The following JARID2 variants were observed in gnomAD, a reference collection of about 807,000 sequenced individuals.
The protein encoded by JARID2 is jumonji and AT-rich interaction domain containing 2, also known as protein Jumonji.
A neutral mutation model predicts 125.6 loss-of-function variants in JARID2; 21 were observed. That is an observed-to-expected ratio of 0.17 (90% CI 0.12 to 0.24). The LOEUF (loss-of-function observed/expected upper bound fraction) is 0.24. Among genes scored for constraint, JARID2 ranks in the 10% least tolerant of loss-of-function variants. JARID2 has a pLI of 1.00. For synonymous variants in JARID2, 736 were observed against 661.6 expected, an observed-to-expected ratio of 1.11 and a Z score of -1.73; for missense variants, 1,303 against 1,639.6, an observed-to-expected ratio of 0.79 and a Z score of 3.55.
Position 15,470,909 on chromosome 6 carries a change from A to G in JARID2, c.670+2191A>G, listed in dbSNP as rs569167984. On this transcript the variant is annotated intron_variant, in intron 5 of 17. Coordinates refer to ENST00000341776, the MANE Select transcript of JARID2 (RefSeq NM_004973.4). Reference sequence around the variant, plus strand: ...TTTGGTGACCTGGAAAGACCTGGGCACGAGAAAGAATTCTAATAACAGAAT... The same window carrying G: ...TTTGGTGACCTGGAAAGACCTGGGCGCGAGAAAGAATTCTAATAACAGAAT... Among the ~76,000 whole-genome samples the G allele has an allele frequency of 3.3e-5, 5 of 152,362 alleles. No individual in the cohort carries two copies. In the East Asian group the frequency reaches 9.6e-4, roughly 29 times the overall value.
At chr6:15,281,542 A>T (rs1449495208) in intron 1 of JARID2, among the ~76,000 whole-genome samples, 1 of 152,218 alleles carries the variant, frequency 6.6e-6, no homozygotes, top group African/African-American at 2.4e-5. Context: ...GCATACATGC[A>T]TGTTTATGTA....
Position 15,509,246 on chromosome 6 carries a change from T to G in JARID2, c.2846+792T>G, listed in dbSNP as rs1257608229. The G allele has an allele frequency of 1.0e-5, 12 of 1,205,212 alleles. No individual in the cohort carries two copies. In the Admixed American group the frequency reaches 3.8e-4, roughly 38 times the overall value. The allele number at this position is 1,205,212 out of a possible 1,614,324, so 74.7% of individuals were successfully genotyped here. A position where few individuals can be genotyped will look rare whatever the true frequency, so the allele number is the denominator to read the frequency against. ...TTTACGGCGGCAGATGGGAAATGACTACAAATAATCAGATGTCTTGTCGTC... is the reference window on the plus strand; with the variant it reads ...TTTACGGCGGCAGATGGGAAATGACGACAAATAATCAGATGTCTTGTCGTC... On this transcript the variant is annotated intron_variant, in intron 12 of 17. Transcript: ENST00000341776.
intron 17 of JARID2, among the ~76,000 whole-genome samples, chr6:15,519,187 T>A (rs1771708631): frequency 6.6e-6 from 1 of 152,226 alleles, no homozygotes; most frequent in Admixed American, 6.5e-5. Context: ...CACTTGTCCT[T>A]ATGGTAAGGT....
chr6:15,361,336 G>A (rs1410613630), intron 1 of JARID2, among the ~76,000 whole-genome samples: 1 of 152,152 alleles, frequency 6.6e-6, no homozygotes, highest in Non-Finnish European at 1.5e-5. Flanking sequence ...ACTGCAGTCA[G>A]TGCTCAAAGT....
chr6:15,459,923 C>T (rs1022124236), intron 4 of JARID2, among the ~76,000 whole-genome samples: 1 of 152,182 alleles, frequency 6.6e-6, no homozygotes, highest in African/African-American at 2.4e-5. Flanking sequence ...AATGGGAATA[C>T]TTTACATTAT....
intron 1 of JARID2, among the ~76,000 whole-genome samples, chr6:15,254,236 A>G (rs999172227): frequency 1.3e-5 from 2 of 152,206 alleles, no homozygotes; most frequent in African/African-American, 4.8e-5. Context: ...GTGCTCTTCT[A>G]GTTTTACAAA....
chr6:15,445,688 T>C (rs559523804), intron 3 of JARID2, among the ~76,000 whole-genome samples: 1 of 152,254 alleles, frequency 6.6e-6, no homozygotes, highest in East Asian at 1.9e-4. Flanking sequence ...GGAACAGTTG[T>C]GCTGTGTGAG....
intron 6 of JARID2, among the ~76,000 whole-genome samples, chr6:15,491,911 G>A (rs1181770121): frequency 6.6e-6 from 1 of 152,204 alleles, no homozygotes; most frequent in Admixed American, 6.5e-5. Context: ...AACGTTTGAT[G>A]TCCTGGACTT....
chr6:15,300,434 C>G (rs1476450099), intron 1 of JARID2, among the ~76,000 whole-genome samples: 1 of 152,138 alleles, frequency 6.6e-6, no homozygotes, highest in Non-Finnish European at 1.5e-5. Context: ...GCTTTTGGGC[C>G]TGGAAACCTT....
At chr6:15,322,079 C>T (rs1369390295) in intron 1 of JARID2, among the ~76,000 whole-genome samples, 2 of 152,086 alleles carry the variant, frequency 1.3e-5, no homozygotes, top group African/African-American at 4.8e-5. Context: ...GCTACCGCGC[C>T]CGGCCTGGAA....
intron 1 of JARID2, among the ~76,000 whole-genome samples, chr6:15,349,605 C>T (rs1310101500): frequency 2.6e-5 from 4 of 152,064 alleles, no homozygotes; most frequent in African/African-American, 4.8e-5. Context: ...ACTCATCACG[C>T]GTGAGGAGCT....
chr6:15,512,608 T>TA (rs1052297661), intron 14 of JARID2, among the ~76,000 whole-genome samples: 8 of 152,182 alleles, frequency 5.3e-5, no homozygotes, highest in African/African-American at 1.9e-4. Flanking sequence ...ATCAGACCGT[T>TA]ACTGACAGAC....
At chr6:15,251,278 A>G (rs773194717) in intron 1 of JARID2, among the ~76,000 whole-genome samples, 2 of 152,178 alleles carry the variant, frequency 1.3e-5, no homozygotes, top group African/African-American at 2.4e-5. Context: ...GGCCTCCCAA[A>G]GTGCTGGGAT....
intron 3 of JARID2, among the ~76,000 whole-genome samples, chr6:15,444,152 C>G (rs113309293): frequency 2.0e-5 from 3 of 152,134 alleles, no homozygotes; most frequent in African/African-American, 7.2e-5. Context: ...AGGCATTCTG[C>G]GTAGGATAAC....
rs372371990 is a variant in JARID2, at chr6:15,281,167, T to C, written c.45+34583T>C. 3.9e-4 allele frequency among the ~76,000 whole-genome samples: 60 copies of C among 152,294 alleles called. 1 individual carries two copies. The highest frequency in any genetic ancestry group is 1.9e-3 in the East Asian group (10 of 5,180). On this transcript the variant is annotated intron_variant, in intron 1 of 17. Transcript: ENST00000341776. Reference sequence around the variant, plus strand: ...GGGAGAGCCCAATACGCATGTGAGATGCAGCTTCCAGTCAGTGCGCATATA... The same window carrying C: ...GGGAGAGCCCAATACGCATGTGAGACGCAGCTTCCAGTCAGTGCGCATATA...
intron 1 of JARID2, among the ~76,000 whole-genome samples, chr6:15,275,413 T>C (rs1480008020): frequency 6.6e-6 from 1 of 151,780 alleles, no homozygotes; most frequent in Non-Finnish European, 1.5e-5. Flanking sequence ...TAATTCACAG[T>C]CACCTGTAAT....
chr6:15,351,332 G>A (rs1354453096), intron 1 of JARID2, among the ~76,000 whole-genome samples: 5 of 152,274 alleles, frequency 3.3e-5, no homozygotes, highest in South Asian at 4.1e-4. Flanking sequence ...GGAGGATTCC[G>A]GTCAACCTCT....
chr6:15,512,306 C>G lies in JARID2; in HGVS notation c.3051C>G (p.Ser1017=). 2.5e-6 allele frequency: 4 copies of G among 1,614,124 alleles called. No individual in the cohort carries two copies. The highest frequency in any genetic ancestry group is 3.3e-4 in the Middle Eastern group (2 of 6,062). The change falls in exon 14 of 18, where the codon TCC becomes TCG. Residue 1017 remains serine, a synonymous_variant. Coordinates refer to ENST00000341776, the MANE Select transcript of JARID2 (RefSeq NM_004973.4). ...FVVCFPGSFV[S]KVCCGYSVSE... is the part of the protein sequence containing the mutation. Reference sequence around the variant, plus strand: ...TCTGCTTCCCGGGATCCTTTGTGTCCAAAGTGTGCTGTGGGTACAGCGTGT... The same window carrying G: ...TCTGCTTCCCGGGATCCTTTGTGTCGAAAGTGTGCTGTGGGTACAGCGTGT...
At chr6:15,398,146 AAGTT>A (rs146620219) in intron 2 of JARID2, among the ~76,000 whole-genome samples, 3,041 of 152,356 alleles carry the variant, frequency 0.02, 102 homozygotes, top group African/African-American at 0.068. Flanking sequence ...TAATATTAAA[AAGTT>A]AGCACATAGG....
Sources: gnomAD v4.1 joint callset for allele counts (sites outside exome capture counted in the v4.1 genomes callset) on GRCh38, gnomAD v4.1.1 for gene constraint, MANE v1.5 for transcripts, NCBI Gene and HGNC (gene_info 2026-07-23, HGNC 2026-07-21) for gene names.